Variants in MTF2 observed in about 807,000 individuals in gnomAD.
MTF2 encodes metal response element binding transcription factor 2, also known as metal-response element-binding transcription factor 2.
A neutral mutation model predicts 79.5 loss-of-function variants in MTF2; 11 were observed. The ratio of observed to expected loss-of-function variants is 0.14; its 90% CI spans 0.09 to 0.23. The LOEUF (loss-of-function observed/expected upper bound fraction) is 0.23, where lower values mean the gene tolerates loss of function less well. MTF2 is among the 10% of genes least tolerant of loss of function. The pLI is 1.00. For synonymous variants in MTF2, 208 were observed against 232.8 expected, an observed-to-expected ratio of 0.89 and a Z score of 0.97; for missense variants, 486 against 711.2, an observed-to-expected ratio of 0.68 and a Z score of 3.60.
chr1:93,118,352 T>G lies in MTF2; in HGVS notation c.640T>G (p.Leu214Val). Residue 214 changes from leucine to valine, a missense_variant, in exon 7 of 15, where the codon TTG becomes GTG. By Grantham distance (32) the Leu-to-Val change is conservative. This residue lies in a region of MTF2 where 177 missense variants were observed against 364.0 expected (regional missense o/e 0.49). Transcript: ENST00000370298. ...TTTTGTTTTTTTTAATAGCTGGTAT[T>G]TGAAGATGCTACAGTGCTGCAAATG... The part of the protein sequence containing the change: ...CYCGGPGDWY[L>V]KMLQCCKCKQ... 6.4e-7 allele frequency: 1 copy of G among 1,571,848 alleles called. No individual in the cohort carries two copies. Among genetic ancestry groups the G allele is most frequent in the Non-Finnish European group, 8.6e-7 (1 of 1,159,434 alleles).
chr1:93,079,560 C>T (rs983441147), intron 1 of MTF2, 29 bp downstream of exon 1: 9 of 1,611,836 alleles, frequency 5.6e-6, no homozygotes, highest in Non-Finnish European at 7.6e-6. Flanking sequence ...GGAACCGACT[C>T]TTCCGGAGGA....
At chr1:93,134,050 T>C (rs1647267341) in intron 13 of MTF2, 41 bp from the exon 14 acceptor site, 1 of 1,547,670 alleles carries the variant, frequency 6.5e-7, no homozygotes, top group Non-Finnish European at 8.8e-7. Flanking sequence ...TTGTTTGTTA[T>C]ATAATATAGT....
chr1:93,136,607 A>G, intron 14 of MTF2, 63 bp from the exon 15 acceptor site: 1 of 1,305,330 alleles, frequency 7.7e-7, no homozygotes, highest in South Asian at 1.4e-5. Flanking sequence ...AAGAGAACAT[A>G]TTGTATGGGC....
intron 1 of MTF2, among the ~76,000 whole-genome samples, chr1:93,084,195 T>C (rs535732590): frequency 8.5e-5 from 13 of 152,322 alleles, no homozygotes; most frequent in Middle Eastern, 3.4e-3. Context: ...CCAACTTCAG[T>C]GTTTTGCATG....
intron 3 of MTF2, among the ~76,000 whole-genome samples, chr1:93,113,546 G>T (rs562327212): frequency 1.4e-3 from 219 of 152,132 alleles, no homozygotes; most frequent in African/African-American, 5.2e-3. Flanking sequence ...AGTAAATTGG[G>T]TTATTTCCAC....
Position 93,133,911 on chromosome 1 carries a change from A to G in MTF2, c.1267-17A>G. 1 of 1,555,206 alleles carries G rather than the reference A, an allele frequency of 6.4e-7. No homozygotes were observed. Among genetic ancestry groups the G allele is most frequent in the Non-Finnish European group, 8.8e-7 (1 of 1,132,354 alleles). ...TACTTTAGAGACATGCTTTAAGTAT[A>G]TATTTTTATTTTCCAGGATAAGGAA... On this transcript the variant is annotated splice_polypyrimidine_tract_variant and intron_variant, in intron 12 of 14. Transcript: ENST00000370298.
At chr1:93,129,595 C>A in intron 11 of MTF2, 147 bp downstream of exon 11, 2 of 588,406 alleles carry the variant, frequency 3.4e-6, no homozygotes, top group Non-Finnish European at 5.2e-6. Flanking sequence ...TCATATCTTG[C>A]TTAGACAAGG....
chr1:93,126,721 C>G (rs1656711605), intron 9 of MTF2, among the ~76,000 whole-genome samples: 1 of 151,972 alleles, frequency 6.6e-6, no homozygotes, highest in Admixed American at 6.5e-5. Flanking sequence ...ATGAAAAGAT[C>G]TCTCAATTTT....
At chr1:93,080,205 C>G (rs1383542883) in intron 1 of MTF2, among the ~76,000 whole-genome samples, 1 of 152,072 alleles carries the variant, frequency 6.6e-6, no homozygotes, top group Non-Finnish European at 1.5e-5. Context: ...TTTAATTAAA[C>G]CTAACTCATA....
chr1:93,120,784 T>C, intron 9 of MTF2, 112 bp downstream of exon 9: 1 of 1,495,524 alleles, frequency 6.7e-7, no homozygotes, highest in Non-Finnish European at 8.8e-7. Flanking sequence ...AAAATAGAAT[T>C]TTATTTTTAG....
At chr1:93,133,636 A>T in intron 11 of MTF2, 67 bp from the exon 12 acceptor site, 1 of 1,005,074 alleles carries the variant, frequency 9.9e-7, no homozygotes, top group Non-Finnish European at 1.5e-6. Flanking sequence ...GTCTAGTTAC[A>T]TACATAGAGT....
At position 93,138,111 on chromosome 1, in the gene MTF2, TAACA is replaced by T. The variant is rs1647473185; in HGVS notation, c.*1089_*1092del. 6.6e-6 allele frequency: 1 copy of T among 152,194 alleles called. No individual in the cohort carries two copies. The highest frequency in any genetic ancestry group is 2.1e-4 in the South Asian group (1 of 4,836). The allele number at this position is 152,194 out of a possible 1,614,324, so 9.4% of individuals were successfully genotyped here. ...AACAAAGTATTTTATTGCACAGGGT[TAACA>T]AACAGTATGTTGCCAGCTGAGGCTA... is the stretch of plus-strand genomic sequence containing the variant. On this transcript the variant is annotated 3_prime_UTR_variant, in exon 15 of 15. Coordinates refer to ENST00000370298, the MANE Select transcript of MTF2 (RefSeq NM_007358.4).
At chr1:93,125,711 G>T (rs576109939) in intron 9 of MTF2, among the ~76,000 whole-genome samples, 1 of 151,958 alleles carries the variant, frequency 6.6e-6, no homozygotes, top group African/African-American at 2.4e-5. Flanking sequence ...GGGTGGGGAG[G>T]GGGGACCAGG....
At chr1:93,091,587 T>C (rs1379538403) in intron 1 of MTF2, among the ~76,000 whole-genome samples, 2 of 152,184 alleles carry the variant, frequency 1.3e-5, no homozygotes, top group Non-Finnish European at 2.9e-5. Flanking sequence ...GGGGTGGAGA[T>C]AGTGTACTGA....
At chr1:93,082,836 A>G (rs1654663668) in intron 1 of MTF2, among the ~76,000 whole-genome samples, 1 of 152,206 alleles carries the variant, frequency 6.6e-6, no homozygotes. Flanking sequence ...AAGAAAAGAA[A>G]ATCTTAATCC....
intron 9 of MTF2, among the ~76,000 whole-genome samples, chr1:93,123,145 A>G (rs180826956): frequency 7.2e-4 from 109 of 151,150 alleles, no homozygotes; most frequent in African/African-American, 2.5e-3. Context: ...TATGCTAAAT[A>G]TAATGTTTAT....
At position 93,094,730 on chromosome 1, in the gene MTF2, C is replaced by A. The variant is rs1050593373; in HGVS notation, c.5+15199C>A. On this transcript the variant is annotated intron_variant, in intron 1 of 14. Transcript: ENST00000370298. ...TCACATGTGCTGTGGGTTCTCCCAT[C>A]AGGAAGCATGTAATGTTTCTCTTGC... Among the ~76,000 whole-genome samples, 3 of 152,172 alleles carry A rather than the reference C, an allele frequency of 2.0e-5. No individual in the cohort carries two copies. In the East Asian group the frequency reaches 5.8e-4, roughly 29 times the overall value.
chr1:93,080,322 G>T (rs933104298), intron 1 of MTF2, among the ~76,000 whole-genome samples: 2 of 152,032 alleles, frequency 1.3e-5, no homozygotes, highest in Non-Finnish European at 2.9e-5. Flanking sequence ...AACATATTTC[G>T]GTAGTGCCAG....
intron 10 of MTF2, among the ~76,000 whole-genome samples, chr1:93,128,502 A>G (rs747385409): frequency 2.0e-5 from 3 of 149,744 alleles, no homozygotes; most frequent in Non-Finnish European, 4.4e-5. Flanking sequence ...AGTTGCAGTG[A>G]GCCGAATTGA....
Sources: allele counts gnomAD v4.1 joint callset (sites outside exome capture counted in the v4.1 genomes callset), GRCh38; gene constraint gnomAD v4.1.1; regional missense constraint gnomAD v4.1.1; transcripts MANE v1.5; gene names NCBI Gene and HGNC (gene_info 2026-07-23, HGNC 2026-07-21).